SORCS1: variants seen among roughly 807,000 people sequenced by gnomAD.
The protein encoded by SORCS1 is VPS10 domain-containing receptor SorCS1.
SORCS1 carries 60 observed loss-of-function variants against 146.1 expected under a neutral mutation model. The observed-to-expected ratio is 0.41, with a 90% CI of 0.33 to 0.51. SORCS1 has a LOEUF of 0.51. Among genes scored for constraint, SORCS1 ranks in the 20% least tolerant of loss-of-function variants. SORCS1 has a pLI of 0.21. For synonymous variants in SORCS1, 637 were observed against 584.0 expected (o/e 1.09, Z -1.31); for missense variants, 1,352 against 1,487.6 (o/e 0.91, Z 1.50).
intron 6 of SORCS1, among the ~76,000 whole-genome samples, chr10:106,721,473 C>T (rs984601052): frequency 3.4e-4 from 51 of 151,934 alleles, no homozygotes; most frequent in African/African-American, 1.1e-3. Flanking sequence ...AAGGTAGTGA[C>T]GAAAAACAAA....
intron 1 of SORCS1, among the ~76,000 whole-genome samples, chr10:106,970,938 T>TGG (rs1955755817): frequency 7.4e-6 from 1 of 135,120 alleles, no homozygotes; most frequent in Non-Finnish European, 1.6e-5. Flanking sequence ...TCAGTAGAGA[T>TGG]GGGGTTTCAC....
chr10:106,976,333 G>GTTTTTTTTTTGTT lies in SORCS1; in HGVS notation c.559-19754_559-19753insAACAAAAAAAAAA, dbSNP rs757120275. Among the ~76,000 whole-genome samples, 229 of 113,786 alleles carry GTTTTTTTTTTGTT rather than the reference G, an allele frequency of 2.0e-3. 6 individuals carry two copies. Among genetic ancestry groups the GTTTTTTTTTTGTT allele is most frequent in the East Asian group, 7.2e-3 (29 of 4,052 alleles). 74.6% of individuals were successfully genotyped at this position (113,786 alleles called of 152,430 possible). On this transcript the variant is annotated intron_variant, in intron 1 of 25. Transcript: ENST00000263054. ...ATCAACTCATCATCTAGGTTTTTTT[G>GTTTTTTTTTTGTT]TTTTTTTTTTTTTTTTGAGACGGAG...
intron 10 of SORCS1, 106 bp from the exon 11 acceptor site, chr10:106,679,840 A>T (rs1006607477): frequency 5.0e-6 from 4 of 804,224 alleles, no homozygotes; most frequent in Non-Finnish European, 8.1e-6. Context: ...CATTTACCAT[A>T]CATCCATGCA....
chr10:106,951,344 T>C (rs1369552167), intron 2 of SORCS1, among the ~76,000 whole-genome samples: 1 of 151,920 alleles, frequency 6.6e-6, no homozygotes, highest in Admixed American at 6.6e-5. Context: ...ACCCCGTCTC[T>C]ACTAAAAATA....
intron 18 of SORCS1, among the ~76,000 whole-genome samples, chr10:106,631,631 T>G (rs2133593347): frequency 6.6e-6 from 1 of 152,300 alleles, no homozygotes; most frequent in African/African-American, 2.4e-5. Context: ...TTTAAAGTAC[T>G]TTGTGGTGAC....
chr10:106,883,606 G>C (rs552302122), intron 2 of SORCS1, among the ~76,000 whole-genome samples: 23 of 152,132 alleles, frequency 1.5e-4, no homozygotes, highest in Non-Finnish European at 2.6e-4. Flanking sequence ...GTAGAGACGG[G>C]GTTTCACCAT....
chr10:106,613,120 C>T (rs1271238319), intron 21 of SORCS1, among the ~76,000 whole-genome samples: 1 of 152,016 alleles, frequency 6.6e-6, no homozygotes, highest in South Asian at 2.1e-4. Flanking sequence ...TCACTGTAAT[C>T]ATTCTATTGC....
chr10:106,848,966 G>A (rs867839684), intron 2 of SORCS1, among the ~76,000 whole-genome samples: 2,342 of 150,960 alleles, frequency 0.016, 31 homozygotes, highest in Non-Finnish European at 0.025. Context: ...CTGTTAGTCT[G>A]ATGGGCTTCC....
intron 3 of SORCS1, among the ~76,000 whole-genome samples, chr10:106,810,455 G>T (rs758703709): frequency 1.3e-5 from 2 of 152,116 alleles, no homozygotes; most frequent in Non-Finnish European, 2.9e-5. Flanking sequence ...TATCTAATAA[G>T]CCTATGTGGG....
intron 1 of SORCS1, among the ~76,000 whole-genome samples, chr10:107,088,725 C>T (rs1203086410): frequency 1.3e-5 from 2 of 152,160 alleles, no homozygotes; most frequent in Admixed American, 6.5e-5. Context: ...GTGTCTCCTA[C>T]TCATCTGTAA....
chr10:106,940,666 C>CT (rs1953993029), intron 2 of SORCS1, among the ~76,000 whole-genome samples: 1 of 152,124 alleles, frequency 6.6e-6, no homozygotes, highest in Non-Finnish European at 1.5e-5. Flanking sequence ...GGTGGATCAC[C>CT]TGAGGTAAGG....
chr10:106,689,871 A>G (rs1207918059), intron 9 of SORCS1, among the ~76,000 whole-genome samples: 1 of 152,204 alleles, frequency 6.6e-6, no homozygotes, highest in African/African-American at 2.4e-5. Context: ...AGACCTCATT[A>G]GTGTGTACCT....
chr10:107,126,428 G>A (rs528576663), intron 1 of SORCS1, among the ~76,000 whole-genome samples: 7 of 152,040 alleles, frequency 4.6e-5, no homozygotes, highest in Non-Finnish European at 7.4e-5. Context: ...TCGATAGACA[G>A]GTATCTACCT....
intron 1 of SORCS1, among the ~76,000 whole-genome samples, chr10:107,159,825 A>C (rs1462497902): frequency 1.3e-5 from 2 of 151,964 alleles, no homozygotes; most frequent in Non-Finnish European, 2.9e-5. Flanking sequence ...ACTTTTTAAA[A>C]GGTCAGCTCC....
intron 6 of SORCS1, among the ~76,000 whole-genome samples, chr10:106,718,309 A>C (rs183385738): frequency 6.6e-6 from 1 of 152,350 alleles, no homozygotes; most frequent in African/African-American, 2.4e-5. Flanking sequence ...AGCACATCAC[A>C]TAACTTTCTG....
intron 1 of SORCS1, among the ~76,000 whole-genome samples, chr10:107,105,943 G>T (rs940290047): frequency 6.8e-4 from 103 of 152,308 alleles, no homozygotes; most frequent in African/African-American, 2.2e-3. Flanking sequence ...GATGGCTGAA[G>T]CACCACATGA....
At chr10:106,709,195 A>G in intron 7 of SORCS1, 28 bp downstream of exon 7, 1 of 1,538,920 alleles carries the variant, frequency 6.5e-7, no homozygotes, top group Non-Finnish European at 9.0e-7. Flanking sequence ...GGTTTCTGAG[A>G]CAATCAACAG....
intron 1 of SORCS1, among the ~76,000 whole-genome samples, chr10:106,993,316 C>T (rs996829038): frequency 3.3e-5 from 5 of 152,206 alleles, no homozygotes; most frequent in Non-Finnish European, 7.3e-5. Flanking sequence ...ATCAGCTTTA[C>T]ACAAAGCTGC....
At chr10:106,821,688 G>A (rs1022978775) in intron 3 of SORCS1, among the ~76,000 whole-genome samples, 8 of 152,154 alleles carry the variant, frequency 5.3e-5, no homozygotes, top group Admixed American at 6.5e-5. Flanking sequence ...TTGGGAGGCC[G>A]AGGCGGGCGG....
Sources: gnomAD v4.1 joint callset for allele counts (sites outside exome capture counted in the v4.1 genomes callset) on GRCh38, gnomAD v4.1.1 for gene constraint, MANE v1.5 for transcripts, NCBI Gene and HGNC (gene_info 2026-07-23, HGNC 2026-07-21) for gene names.